The following NOX4 variants were observed in gnomAD, a reference collection of about 807,000 sequenced individuals.
The protein encoded by NOX4 is NADPH oxidase 4.
A neutral mutation model predicts 87.6 loss-of-function variants in NOX4; 69 were observed. The observed-to-expected ratio is 0.79, with a 90% CI of 0.65 to 0.96. NOX4 has a LOEUF of 0.96. Among genes scored for constraint, NOX4 ranks in the 40% least tolerant of loss-of-function variants. NOX4 has a pLI of 0.00. For synonymous variants in NOX4, 275 were observed against 238.2 expected (o/e 1.15, Z -1.42); for missense variants, 680 against 681.5 (o/e 1.00, Z 0.02).
chr11:89,497,433 A>T (rs511774), intron 1 of NOX4, among the ~76,000 whole-genome samples: 131,602 of 152,162 alleles, frequency 0.86, 57,271 homozygotes, highest in Non-Finnish European at 0.92. Context: ...GAATATATTA[A>T]GAAAATCTTA....
intron 17 of NOX4, among the ~76,000 whole-genome samples, chr11:89,333,154 G>C (rs1209195808): frequency 6.6e-6 from 1 of 151,688 alleles, no homozygotes; most frequent in Non-Finnish European, 1.5e-5. Flanking sequence ...TAAAGAATTA[G>C]GGTAGTAGGA....
chr11:89,585,887 C>T, the NOX4 span, among the ~76,000 whole-genome samples: 1 of 152,186 alleles, frequency 6.6e-6, no homozygotes, highest in Admixed American at 6.6e-5. Context: ...TAACCCAAGG[C>T]CTATCTACTA....
At chr11:89,561,897 T>C in the NOX4 span, among the ~76,000 whole-genome samples, 84 of 152,312 alleles carry the variant, frequency 5.5e-4, 1 homozygote, top group African/African-American at 2.0e-3. Context: ...CTATGTTATA[T>C]ACTGCAGTCA....
At chr11:89,570,909 G>T in the NOX4 span, among the ~76,000 whole-genome samples, 3 of 152,184 alleles carry the variant, frequency 2.0e-5, no homozygotes, top group African/African-American at 7.2e-5. Flanking sequence ...ATGGGAAGGA[G>T]AATTAATCTC....
upstream of NOX4, among the ~76,000 whole-genome samples, chr11:89,494,448 T>G (rs774078312): frequency 3.3e-5 from 5 of 152,216 alleles, no homozygotes; most frequent in Non-Finnish European, 4.4e-5. Context: ...TTAATTTAAT[T>G]ATACGTATGT....
the NOX4 span, among the ~76,000 whole-genome samples, chr11:89,522,720 A>G: frequency 2.6e-5 from 4 of 152,232 alleles, no homozygotes; most frequent in Non-Finnish European, 4.4e-5. Flanking sequence ...TATTCATAAA[A>G]TAAAAGTAAA....
At chr11:89,420,514 T>G (rs1943023708) in intron 8 of NOX4, among the ~76,000 whole-genome samples, 1 of 152,078 alleles carries the variant, frequency 6.6e-6, no homozygotes, top group Non-Finnish European at 1.5e-5. Context: ...GCTCTACAAC[T>G]ATGTGTTCTG....
intron 17 of NOX4, among the ~76,000 whole-genome samples, chr11:89,329,356 G>GAAAAAAAAAAAAAAAAAAA (rs377055666): frequency 1.4e-4 from 5 of 34,708 alleles, no homozygotes; most frequent in African/African-American, 4.0e-4. Context: ...GAAAAAAACT[G>GAAAAAAAAAAAAAAAAAAA]AAAAAAAAAA....
intron 13 of NOX4, among the ~76,000 whole-genome samples, chr11:89,349,089 C>A (rs1946338782): frequency 6.6e-6 from 1 of 151,954 alleles, no homozygotes; most frequent in Non-Finnish European, 1.5e-5. Context: ...GAGTTTGAGA[C>A]CAGCCTGGTC....
the NOX4 span, among the ~76,000 whole-genome samples, chr11:89,566,976 A>G: frequency 6.6e-6 from 1 of 152,154 alleles, no homozygotes; most frequent in Non-Finnish European, 1.5e-5. Flanking sequence ...GGGGCTGGGA[A>G]CTGGGGGGTG....
chr11:89,366,775 T>C (rs1454489268), intron 12 of NOX4, among the ~76,000 whole-genome samples: 1 of 151,674 alleles, frequency 6.6e-6, no homozygotes, highest in African/African-American at 2.4e-5. Context: ...TATGTTTGGG[T>C]TTGTGAAATG....
chr11:89,519,377 AC>A, the NOX4 span, among the ~76,000 whole-genome samples: 1 of 152,138 alleles, frequency 6.6e-6, no homozygotes, highest in East Asian at 1.9e-4. Flanking sequence ...TAACCAAACA[AC>A]CCTAGGTTTT....
chr11:89,570,887 A>G, the NOX4 span, among the ~76,000 whole-genome samples: 1 of 152,220 alleles, frequency 6.6e-6, no homozygotes, highest in African/African-American at 2.4e-5. Context: ...TCTTGTCAAC[A>G]TGCCACACCC....
intron 5 of NOX4, among the ~76,000 whole-genome samples, chr11:89,443,266 G>T (rs1944533781): frequency 3.3e-5 from 5 of 152,038 alleles, no homozygotes; most frequent in Admixed American, 2.6e-4. Flanking sequence ...TTTTGAGATG[G>T]AGGTCAAACA....
chr11:89,508,473 A>G, the NOX4 span, among the ~76,000 whole-genome samples: 5,492 of 152,184 alleles, frequency 0.036, 276 homozygotes, highest in African/African-American at 0.11. Context: ...GAAAATAAAG[A>G]CAGTTATATC....
the NOX4 span, among the ~76,000 whole-genome samples, chr11:89,503,680 A>T: frequency 6.6e-6 from 1 of 151,582 alleles, no homozygotes; most frequent in African/African-American, 2.4e-5. Context: ...ACTTTAGACA[A>T]GTAATTTAAT....
chr11:89,471,488 T>C (rs558030442), intron 2 of NOX4, among the ~76,000 whole-genome samples: 1 of 152,258 alleles, frequency 6.6e-6, no homozygotes, highest in African/African-American at 2.4e-5. Context: ...ATGGTCTATA[T>C]AGTAATCAAA....
intron 7 of NOX4, among the ~76,000 whole-genome samples, chr11:89,430,231 A>T (rs1329722655): frequency 1.3e-5 from 2 of 152,172 alleles, no homozygotes; most frequent in South Asian, 2.1e-4. Context: ...TTTATGACAA[A>T]CCCACAGCCA....
chr11:89,552,757 T>A, the NOX4 span, among the ~76,000 whole-genome samples: 1 of 152,112 alleles, frequency 6.6e-6, no homozygotes, highest in Admixed American at 6.6e-5. Flanking sequence ...CTGAAAGAAA[T>A]TTAGTATCTG....
Sources: allele counts gnomAD v4.1 joint callset (sites outside exome capture counted in the v4.1 genomes callset), GRCh38; gene constraint gnomAD v4.1.1; transcripts MANE v1.5; gene names NCBI Gene and HGNC (gene_info 2026-07-23, HGNC 2026-07-21).